SACM1L: variants seen among roughly 807,000 people sequenced by gnomAD.
The protein encoded by SACM1L is SAC1 like phosphatidylinositide phosphatase.
SACM1L carries 32 observed loss-of-function variants against 89.5 expected under a neutral mutation model. That is an observed-to-expected ratio of 0.36 (90% CI 0.27 to 0.48). The LOEUF (loss-of-function observed/expected upper bound fraction) is 0.48. Ranked by LOEUF, SACM1L falls within the 20% of genes least tolerant of loss-of-function variation. The pLI is 0.99. For missense variants in SACM1L, 543 were observed against 708.5 expected, an observed-to-expected ratio of 0.77 and a Z score of 2.65; for synonymous variants, 213 against 232.8, an observed-to-expected ratio of 0.92 and a Z score of 0.77.
At chr3:45,741,060 T>C (rs1434640276) in intron 19 of SACM1L, among the ~76,000 whole-genome samples, 2 of 152,230 alleles carry the variant, frequency 1.3e-5, no homozygotes, top group African/African-American at 4.8e-5. Flanking sequence ...TCCTGTAATT[T>C]GGAGGTTTGA....
At position 45,689,512 on chromosome 3, in the gene SACM1L, C is replaced by T. The variant is rs756467545; in HGVS notation, c.32+15C>T. 2 of 1,572,658 alleles carry T rather than the reference C, an allele frequency of 1.3e-6. No individual in the cohort carries two copies. Among genetic ancestry groups the T allele is most frequent in the East Asian group, 4.6e-5 (2 of 43,028 alleles). On this transcript the variant is annotated intron_variant, in intron 1 of 19. Coordinates refer to ENST00000389061, the MANE Select transcript of SACM1L (RefSeq NM_014016.5). ...CAGCTGAAGCTGTGAGTCCCACGGG[C>T]CAGAGGCCTGAGGCGCGGCGGGCGG...
At position 45,735,383 on chromosome 3, in the gene SACM1L, C is replaced by CTT. The variant is rs35082575; in HGVS notation, c.1239+22_1239+23dup. ...TCAGGCCCAACTTCAGGTGCGAATGCTTTTTTTTTTTTTAATTGAAAAACA... is the reference window on the plus strand; with the variant it reads ...TCAGGCCCAACTTCAGGTGCGAATGCTTTTTTTTTTTTTTTAATTGAAAAACA... On this transcript the variant is annotated intron_variant, in intron 14 of 19. Transcript: ENST00000389061. 5,481 of 1,287,842 alleles carry CTT rather than the reference C, an allele frequency of 4.3e-3. 10 individuals are homozygous for CTT. Among genetic ancestry groups the CTT allele is most frequent in the South Asian group, 0.028 (1,562 of 56,602 alleles). 79.8% of individuals were successfully genotyped at this position (1,287,842 alleles called of 1,614,324 possible).
At position 45,735,383 on chromosome 3, in the gene SACM1L, CTT is replaced by C. The variant is rs35082575; in HGVS notation, c.1239+22_1239+23del. On this transcript the variant is annotated intron_variant, in intron 14 of 19. Transcript: ENST00000389061. ...TCAGGCCCAACTTCAGGTGCGAATGCTTTTTTTTTTTTTAATTGAAAAACAAC... is the reference window on the plus strand; with the variant it reads ...TCAGGCCCAACTTCAGGTGCGAATGCTTTTTTTTTTTAATTGAAAAACAAC... The C allele has an allele frequency of 2.6e-3, 3,304 of 1,258,770 alleles. No homozygotes were observed. Among genetic ancestry groups the C allele is most frequent in the South Asian group, 9.9e-3 (545 of 55,000 alleles). 78.0% of individuals were successfully genotyped at this position (1,258,770 alleles called of 1,614,324 possible).
chr3:45,735,500 T>C, intron 14 of SACM1L, 127 bp downstream of exon 14: 2 of 918,142 alleles, frequency 2.2e-6, no homozygotes, highest in Non-Finnish European at 3.1e-6. Context: ...TTTTTGTGTC[T>C]TGCCCATGGA....
chr3:45,713,225 A>T, intron 6 of SACM1L, 29 bp downstream of exon 6: 1 of 1,561,220 alleles, frequency 6.4e-7, no homozygotes, highest in Non-Finnish European at 8.8e-7. Context: ...AATCTGCTTA[A>T]TTGTTACAGT....
rs758728644 is a variant in SACM1L at position 45,738,633 on chromosome 3, C to T, written c.1438C>T (p.Arg480Ter). ...AATGGATGGCTGGAACTCAATGATA[C>T]GATATTATAAGAACAACTTTTCCGA... is the stretch of plus-strand genomic sequence containing the variant. ...LIMDGWNSMI[R>*]YYKNNFSDGF... The change falls in exon 17 of 20, where the codon CGA (arginine) becomes TGA (stop). Residue 480 changes from arginine to a stop codon, truncating the protein, a stop_gained. Coordinates refer to ENST00000389061, the MANE Select transcript of SACM1L (RefSeq NM_014016.5). LOFTEE classifies it high-confidence loss of function. 8 of 1,612,448 alleles carry T rather than the reference C, an allele frequency of 5.0e-6. No individual in the cohort carries two copies. Among genetic ancestry groups the T allele is most frequent in the South Asian group, 3.3e-5 (3 of 91,042 alleles).
chr3:45,698,590 C>T (rs975883549), intron 1 of SACM1L, among the ~76,000 whole-genome samples: 10 of 152,086 alleles, frequency 6.6e-5, no homozygotes, highest in African/African-American at 2.4e-4. Context: ...CGCTCTTGTG[C>T]CCCAGGCTGG....
Position 45,703,385 on chromosome 3 carries a change from TAGAAGTCTTCATTTC to T in SACM1L, c.33-51_33-37del, listed in dbSNP as rs894649862. The T allele has an allele frequency of 7.3e-6, 9 of 1,227,846 alleles. No individual in the cohort carries two copies. In the African/African-American group the frequency reaches 1.2e-4, roughly 16 times the overall value. The allele number at this position is 1,227,846 out of a possible 1,614,324, so 76.1% of individuals were successfully genotyped here. A position where few individuals can be genotyped will look rare whatever the true frequency, so the allele number is the denominator to read the frequency against. Reference sequence around the variant, plus strand: ...GTAATTGTCATAATAAGTAGTTTTTTAGAAGTCTTCATTTCATTTGGTTAGTTATTTATGTTTTAC... The same window carrying T: ...GTAATTGTCATAATAAGTAGTTTTTTATTTGGTTAGTTATTTATGTTTTAC... On this transcript the variant is annotated intron_variant, in intron 1 of 19. Transcript: ENST00000389061.
chr3:45,721,906 C>T, intron 8 of SACM1L, 94 bp from the exon 9 acceptor site: 1 of 797,902 alleles, frequency 1.3e-6, no homozygotes, highest in Non-Finnish European at 2.1e-6. Context: ...CTTGAACTGA[C>T]TTAATTCTCT....
chr3:45,692,594 G>C (rs1698021614), intron 1 of SACM1L, among the ~76,000 whole-genome samples: 1 of 152,200 alleles, frequency 6.6e-6, no homozygotes, highest in South Asian at 2.1e-4. Context: ...ACTGGCATGA[G>C]CCACCATGCC....
intron 13 of SACM1L, 42 bp from the exon 14 acceptor site, chr3:45,735,192 TG>T: frequency 6.4e-7 from 1 of 1,562,668 alleles, no homozygotes; most frequent in Non-Finnish European, 8.6e-7. Context: ...TTAGTAAATC[TG>T]ACCTACTTTG....
rs1218891988 is a variant in SACM1L, at chr3:45,739,533, G to A, written c.1570-54G>A. 3.3e-6 allele frequency: 5 copies of A among 1,514,210 alleles called. No individual in the cohort carries two copies. In the African/African-American group the frequency reaches 5.5e-5, roughly 17 times the overall value. 93.8% of individuals were successfully genotyped at this position (1,514,210 alleles called of 1,614,324 possible). The stretch of plus-strand genomic sequence containing the variant: ...AAGCAATGCATGCACAACTGATTTT[G>A]CTGCCATTGATTAGCATTCTTAAAT... On this transcript the variant is annotated intron_variant, in intron 18 of 19. Transcript: ENST00000389061.
At chr3:45,713,463 A>G (rs1410550623) in intron 6 of SACM1L, 4 of 246,832 alleles carry the variant, frequency 1.6e-5, no homozygotes, top group Non-Finnish European at 3.1e-5. Context: ...ATCTTGGTAC[A>G]TGGATAATGG....
chr3:45,722,009 C>A lies in SACM1L; in HGVS notation c.689C>A (p.Ser230Ter). The A allele has an allele frequency of 6.2e-7, 1 of 1,608,608 alleles. No individual in the cohort carries two copies. Among genetic ancestry groups the A allele is most frequent in the South Asian group, 1.1e-5 (1 of 90,462 alleles). ...TTTTTTTTCTATTTAGGAATTGATTCGGAAGGCCATGCAGCTAACTTTGTA... is the reference window on the plus strand; with the variant it reads ...TTTTTTTTCTATTTAGGAATTGATTAGGAAGGCCATGCAGCTAACTTTGTA... ...GVRYYVRGID[S>*]EGHAANFVET... The change falls in exon 9 of 20, where the codon TCG becomes TAG. Residue 230 changes from serine (S) to a stop codon, truncating the protein, a stop_gained. Coordinates refer to ENST00000389061, the MANE Select transcript of SACM1L (RefSeq NM_014016.5). LOFTEE classifies it high-confidence loss of function.
intron 7 of SACM1L, among the ~76,000 whole-genome samples, chr3:45,715,982 T>C (rs1193952060): frequency 2.6e-5 from 4 of 152,134 alleles, no homozygotes; most frequent in Non-Finnish European, 2.9e-5. Context: ...GAGCTTTTCT[T>C]TAGTGTAGTT....
chr3:45,715,750 G>T (rs1367137239), intron 7 of SACM1L, among the ~76,000 whole-genome samples: 2 of 149,492 alleles, frequency 1.3e-5, no homozygotes, highest in South Asian at 2.1e-4. Flanking sequence ...CTCCAGCCTG[G>T]ATGACACAGC....
chr3:45,690,528 A>C (rs562615438), intron 1 of SACM1L: 1 of 152,264 alleles, frequency 6.6e-6, no homozygotes, highest in Non-Finnish European at 1.5e-5. Flanking sequence ...TAAGCTCCTC[A>C]GACCTCAACC....
At position 45,715,158 on chromosome 3, in the gene SACM1L, C is replaced by T. The variant is rs79324286; in HGVS notation, c.577+1079C>T. 6.5e-3 allele frequency among the ~76,000 whole-genome samples: 992 copies of T among 152,234 alleles called. 36 individuals are homozygous for T. Among genetic ancestry groups the T allele is most frequent in the East Asian group, 0.051 (267 of 5,192 alleles). Reference sequence around the variant, plus strand: ...CTCTATAATGTATAGAATTGCCTAACGATGCATTTCTCAGAATGTACCCCT... The same window carrying T: ...CTCTATAATGTATAGAATTGCCTAATGATGCATTTCTCAGAATGTACCCCT... On this transcript the variant is annotated intron_variant, in intron 7 of 19. Transcript: ENST00000389061.
chr3:45,694,759 A>G (rs750938658), intron 1 of SACM1L, among the ~76,000 whole-genome samples: 2 of 152,194 alleles, frequency 1.3e-5, no homozygotes, highest in Non-Finnish European at 2.9e-5. Flanking sequence ...GGCTGGGCAT[A>G]CATAGCTGAG....
Sources: gnomAD v4.1 joint callset for allele counts (sites outside exome capture counted in the v4.1 genomes callset) on GRCh38, gnomAD v4.1.1 for gene constraint, MANE v1.5 for transcripts, NCBI Gene and HGNC (gene_info 2026-07-23, HGNC 2026-07-21) for gene names.